Variants in TCF12 observed in about 807,000 individuals in gnomAD.
The protein encoded by TCF12 is transcription factor 12.
In TCF12, 45 loss-of-function variants were observed where a neutral mutation model predicts 86.0. The observed-to-expected ratio is 0.52, with a 90% confidence interval of 0.41 to 0.67. The LOEUF (loss-of-function observed/expected upper bound fraction) is 0.67. Ranked by LOEUF, TCF12 falls within the 30% of genes least tolerant of loss-of-function variation. TCF12 has a pLI of 0.00. For synonymous variants in TCF12, 330 were observed against 299.6 expected, an observed-to-expected ratio of 1.10 and a Z score of -1.05; for missense variants, 881 against 859.9, an observed-to-expected ratio of 1.02 and a Z score of -0.31.
intron 4 of TCF12, among the ~76,000 whole-genome samples, chr15:57,066,101 CCTTGGCAACTCTT>C (rs1327800787): frequency 1.3e-5 from 2 of 152,082 alleles, no homozygotes; most frequent in Non-Finnish European, 2.9e-5. Flanking sequence ...TCCAGTTTCT[CCTTGGCAACTCTT>C]CTTGCCAAGG....
At chr15:57,212,149 T>A (rs1471610073) in intron 8 of TCF12, among the ~76,000 whole-genome samples, 14 of 152,156 alleles carry the variant, frequency 9.2e-5, no homozygotes, top group Non-Finnish European at 1.8e-4. Flanking sequence ...CAAAATAAAA[T>A]GGTAATTAAA....
chr15:56,923,855 T>C (rs2059896413), intron 3 of TCF12, among the ~76,000 whole-genome samples: 1 of 152,124 alleles, frequency 6.6e-6, no homozygotes, highest in South Asian at 2.1e-4. Flanking sequence ...AGAATGTCAT[T>C]TTAACTATTA....
chr15:56,954,618 A>G (rs753165863), intron 3 of TCF12, among the ~76,000 whole-genome samples: 1 of 152,226 alleles, frequency 6.6e-6, no homozygotes, highest in Non-Finnish European at 1.5e-5. Flanking sequence ...AGAAACTACC[A>G]TCAGAGTGAA....
intron 13 of TCF12, among the ~76,000 whole-genome samples, chr15:57,249,069 A>T (rs1234268114): frequency 6.6e-6 from 1 of 152,234 alleles, no homozygotes; most frequent in Non-Finnish European, 1.5e-5. Context: ...CAACATTAAG[A>T]TAAATTCTTT....
intron 8 of TCF12, among the ~76,000 whole-genome samples, chr15:57,218,475 T>C (rs1351899483): frequency 1.3e-5 from 2 of 152,204 alleles, no homozygotes; most frequent in Admixed American, 1.3e-4. Flanking sequence ...GAAGTATGAG[T>C]TAGAAATGTC....
chr15:57,175,307 G>GT (rs1247641682), intron 6 of TCF12, among the ~76,000 whole-genome samples: 1 of 152,244 alleles, frequency 6.6e-6, no homozygotes, highest in African/African-American at 2.4e-5. Flanking sequence ...ACAGTGAGCT[G>GT]TGATCATGCT....
At chr15:56,935,624 G>A (rs181568636) in intron 3 of TCF12, among the ~76,000 whole-genome samples, 121 of 151,994 alleles carry the variant, frequency 8.0e-4, no homozygotes, top group Non-Finnish European at 1.3e-3. Context: ...ATCCCTCACC[G>A]CCCTCCCACC....
chr15:57,113,778 TAAA>T (rs34582402), intron 5 of TCF12, among the ~76,000 whole-genome samples: 1 of 95,794 alleles, frequency 1.0e-5, no homozygotes, highest in Non-Finnish European at 1.9e-5. Context: ...CGTCTCTACT[TAAA>T]AAAAAAAAAA....
chr15:56,926,111 A>C (rs1352561568), intron 3 of TCF12, among the ~76,000 whole-genome samples: 2 of 152,174 alleles, frequency 1.3e-5, no homozygotes, highest in African/African-American at 4.8e-5. Flanking sequence ...CAGGAGTTGG[A>C]GACCAGCCTG....
intron 5 of TCF12, among the ~76,000 whole-genome samples, chr15:57,151,835 G>C (rs2151462030): frequency 6.6e-6 from 1 of 151,644 alleles, no homozygotes; most frequent in East Asian, 1.9e-4. Context: ...AGAGGCCCAA[G>C]CACACAGTTT....
chr15:57,144,998 A>G (rs930873147), intron 5 of TCF12, among the ~76,000 whole-genome samples: 6 of 152,216 alleles, frequency 3.9e-5, no homozygotes, highest in East Asian at 1.9e-4. Flanking sequence ...ACTATATACT[A>G]TGAGCATTTA....
intron 3 of TCF12, among the ~76,000 whole-genome samples, chr15:56,922,118 TTG>T (rs2059821295): frequency 6.6e-6 from 1 of 151,880 alleles, no homozygotes; most frequent in Non-Finnish European, 1.5e-5. Context: ...CATTTGAAAA[TTG>T]TTACTTTTTG....
chr15:57,253,069 A>G (rs933201243), intron 15 of TCF12, among the ~76,000 whole-genome samples, 193 bp from the exon 16 acceptor site: 2 of 151,972 alleles, frequency 1.3e-5, no homozygotes, highest in African/African-American at 2.4e-5. Context: ...TGAAGCTTTG[A>G]AAATTTAGCA....
chr15:57,148,017 T>C (rs2053482318), intron 5 of TCF12, among the ~76,000 whole-genome samples: 1 of 151,324 alleles, frequency 6.6e-6, no homozygotes, highest in Non-Finnish European at 1.5e-5. Context: ...TAGCTGGGAG[T>C]ACAGGTGCAC....
chr15:56,942,144 A>AT (rs1406813148), intron 3 of TCF12, among the ~76,000 whole-genome samples: 2 of 152,168 alleles, frequency 1.3e-5, no homozygotes, highest in Non-Finnish European at 2.9e-5. Flanking sequence ...GAAAGTGCCC[A>AT]TTTGCTCTGT....
At chr15:57,030,570 A>G (rs1331601307) in intron 3 of TCF12, among the ~76,000 whole-genome samples, 1 of 152,172 alleles carries the variant, frequency 6.6e-6, no homozygotes, top group Non-Finnish European at 1.5e-5. Flanking sequence ...TTATTTTGAA[A>G]GTAATCACGT....
chr15:56,944,062 T>G (rs1240002222), intron 3 of TCF12, among the ~76,000 whole-genome samples: 8 of 152,196 alleles, frequency 5.3e-5, no homozygotes, highest in Non-Finnish European at 1.2e-4. Context: ...TTGTTTTCTT[T>G]CTGAAGATAA....
Position 57,056,116 on chromosome 15 carries a change from G to GGTGTGTGTGTGT in TCF12, c.149-7607_149-7596dup, listed in dbSNP as rs137934114. ...TAAATTTCAGATACTTAGTTTTAGGGGTGTGTGTGTGTGTGTGTGTGTGTG... is the reference window on the plus strand; with the variant it reads ...TAAATTTCAGATACTTAGTTTTAGGGGTGTGTGTGTGTGTGTGTGTGTGTGTGTGTGTGTGTG... On this transcript the variant is annotated intron_variant, in intron 3 of 20. Transcript: ENST00000333725. 7.5e-3 allele frequency among the ~76,000 whole-genome samples: 1,069 copies of GGTGTGTGTGTGT among 143,304 alleles called. 13 individuals are homozygous for GGTGTGTGTGTGT. The highest frequency in any genetic ancestry group is 0.022 in the African/African-American group (820 of 37,234). 94.0% of individuals were successfully genotyped at this position (143,304 alleles called of 152,430 possible). A position where few individuals can be genotyped will look rare whatever the true frequency, so the allele number is the denominator to read the frequency against.
At chr15:57,232,555 C>T (rs938473304) in intron 10 of TCF12, 125 bp downstream of exon 10, 151 of 1,463,450 alleles carry the variant, frequency 1.0e-4, no homozygotes, top group Non-Finnish European at 1.2e-4. Flanking sequence ...CAAGGCTTAC[C>T]GCGTTTACCA....
Sources: allele counts gnomAD v4.1 joint callset (sites outside exome capture counted in the v4.1 genomes callset), GRCh38; gene constraint gnomAD v4.1.1; transcripts MANE v1.5; gene names NCBI Gene and HGNC (gene_info 2026-07-23, HGNC 2026-07-21).